The following ZNF442 variants were observed in gnomAD, a reference collection of about 807,000 sequenced individuals.
The protein encoded by ZNF442 is zinc finger protein 442.
Under a neutral mutation model 57.0 loss-of-function variants are expected in ZNF442, and 45 were observed. The observed-to-expected ratio is 0.79, with a 90% CI of 0.62 to 1.01. ZNF442 has a LOEUF of 1.01. ZNF442 is among the 50% of genes least tolerant of loss of function. The pLI is 0.00. For synonymous variants in ZNF442, 213 were observed against 241.8 expected (o/e 0.88, Z 1.10); for missense variants, 690 against 756.5 (o/e 0.91, Z 1.03).
At chr19:12,355,343 C>G (rs1568488214) in intron 3 of ZNF442, among the ~76,000 whole-genome samples, 1 of 146,428 alleles carries the variant, frequency 6.8e-6, no homozygotes, top group Non-Finnish European at 1.5e-5. Context: ...GTAACAAGGT[C>G]TTTTTCAGAT....
At position 12,351,902 on chromosome 19, in the gene ZNF442, A is replaced by ATAAGTTTG. The variant is rs368838323; in HGVS notation, c.266+100_266+107dup. ...TCTGGAGAAAATTGTATAGGAATAA[A>ATAAGTTTG]TAAGTTTGTACTGGGCTCGTTCATT... On this transcript the variant is annotated intron_variant, in intron 5 of 5. Transcript: ENST00000242804. 9.0e-4 allele frequency: 842 copies of ATAAGTTTG among 936,234 alleles called. 3 individuals carry two copies. The African/African-American group carries it at 0.013, about 14-fold the overall frequency. 58.0% of individuals were successfully genotyped at this position (936,234 alleles called of 1,614,324 possible).
intron 3 of ZNF442, among the ~76,000 whole-genome samples, chr19:12,357,596 A>G (rs1195353219): frequency 2.0e-5 from 3 of 150,210 alleles, no homozygotes; most frequent in Non-Finnish European, 4.4e-5. Flanking sequence ...CAGGTGATCT[A>G]CCCACCTTGG....
At chr19:12,352,866 A>C in intron 4 of ZNF442, 122 bp downstream of exon 4, 6 of 1,218,040 alleles carry the variant, frequency 4.9e-6, no homozygotes, top group Non-Finnish European at 5.7e-6. Flanking sequence ...AGCACCACTT[A>C]ACCCTGTGTT....
rs535733450 is a variant in ZNF442 at position 12,346,695 on chromosome 19, C to T, written c.*3006G>A. On this transcript the variant is annotated 3_prime_UTR_variant, in exon 6 of 6. Transcript: ENST00000242804. ...GTCAAATTATTACTGTGGAAACAAC[C>T]CATGTTTATCAACATAAAAATGGAT... 1 of 152,246 alleles carries T rather than the reference C, an allele frequency of 6.6e-6. No individual in the cohort carries two copies. The highest frequency in any genetic ancestry group is 1.9e-4 in the East Asian group (1 of 5,184). The allele number at this position is 152,246 out of a possible 1,614,324, so 9.4% of individuals were successfully genotyped here.
At chr19:12,363,913 G>A (rs941310107) in intron 2 of ZNF442, among the ~76,000 whole-genome samples, 6 of 152,156 alleles carry the variant, frequency 3.9e-5, no homozygotes, top group African/African-American at 1.4e-4. Context: ...AACAGAACCA[G>A]GAAAAGGCAG....
intron 4 of ZNF442, 148 bp downstream of exon 4, chr19:12,352,840 A>T: frequency 1.2e-6 from 1 of 868,470 alleles, no homozygotes; most frequent in East Asian, 2.9e-5. Context: ...GAATATGTAC[A>T]ACTGGTTGGG....
chr19:12,364,652 G>T (rs1969500627), intron 2 of ZNF442, 150 bp downstream of exon 2: 1 of 152,126 alleles, frequency 6.6e-6, no homozygotes, highest in Admixed American at 6.5e-5. Flanking sequence ...TTGAGACCCT[G>T]CTACCCCCAT....
chr19:12,366,646 T>C (rs1308720329), upstream of ZNF442, among the ~76,000 whole-genome samples: 1 of 152,158 alleles, frequency 6.6e-6, no homozygotes, highest in East Asian at 1.9e-4. Context: ...TTTTATTTTT[T>C]TGGAGACGGA....
chr19:12,361,838 G>T (rs1969433062), intron 3 of ZNF442, among the ~76,000 whole-genome samples: 1 of 152,108 alleles, frequency 6.6e-6, no homozygotes, highest in Admixed American at 6.5e-5. Flanking sequence ...TCCTGCTTCA[G>T]CCTGCGGAGA....
Position 12,365,530 on chromosome 19 carries a change from C to T in ZNF442, c.-483+3G>A, listed in dbSNP as rs1028963786. 1.8e-4 allele frequency: 102 copies of T among 573,536 alleles called. No homozygotes were observed. Among genetic ancestry groups the T allele is most frequent in the Non-Finnish European group, 2.9e-4 (94 of 322,832 alleles). The allele number at this position is 573,536 out of a possible 1,614,324, so 35.5% of individuals were successfully genotyped here. A position where few individuals can be genotyped will look rare whatever the true frequency, so the allele number is the denominator to read the frequency against. On this transcript the variant is annotated splice_donor_region_variant and intron_variant, in intron 1 of 5. Transcript: ENST00000242804. ...CCCAGGACGCCGGGCCCCGCACACT[C>T]ACCATTTCCCGGCTTCCGCGGTGTC...
intron 3 of ZNF442, among the ~76,000 whole-genome samples, chr19:12,361,703 G>A (rs1333141956): frequency 3.6e-5 from 3 of 82,694 alleles, no homozygotes; most frequent in Non-Finnish European, 6.6e-5. Context: ...TCCCCCTCTC[G>A]CTGTCCCCAC....
At chr19:12,352,707 T>A (rs979673581) in intron 4 of ZNF442, among the ~76,000 whole-genome samples, 3 of 152,228 alleles carry the variant, frequency 2.0e-5, no homozygotes, top group Non-Finnish European at 4.4e-5. Flanking sequence ...CTAGCTTACA[T>A]TTTTATGAGA....
chr19:12,353,443 A>G (rs920042628), intron 3 of ZNF442, among the ~76,000 whole-genome samples: 4 of 152,186 alleles, frequency 2.6e-5, no homozygotes, highest in African/African-American at 9.7e-5. Flanking sequence ...TACTTACTGT[A>G]CAAGAATAGG....
intron 5 of ZNF442, 85 bp from the exon 6 acceptor site, chr19:12,351,403 C>A: frequency 7.9e-7 from 1 of 1,259,226 alleles, no homozygotes; most frequent in Non-Finnish European, 1.1e-6. Flanking sequence ...TACATTTTTA[C>A]ATCATCATGC....
chr19:12,368,162 A>T (rs1301059826), upstream of ZNF442, among the ~76,000 whole-genome samples: 1 of 152,144 alleles, frequency 6.6e-6, no homozygotes, highest in African/African-American at 2.4e-5. Flanking sequence ...TTCAGGGTGC[A>T]CTGATTTCAT....
At position 12,346,289 on chromosome 19, in the gene ZNF442, T is replaced by G. The variant is rs1253628953; in HGVS notation, c.*3412A>C. On this transcript the variant is annotated 3_prime_UTR_variant, in exon 6 of 6. Transcript: ENST00000242804. ...CTCAATTTTAATGAGCAAAGGATTTTAAAACAAACTGGTTCAAAAAATATA... is the reference window on the plus strand; with the variant it reads ...CTCAATTTTAATGAGCAAAGGATTTGAAAACAAACTGGTTCAAAAAATATA... 6.6e-6 allele frequency: 1 copy of G among 152,124 alleles called. No individual in the cohort carries two copies. The highest frequency in any genetic ancestry group is 1.5e-5 in the Non-Finnish European group (1 of 68,010). 9.4% of individuals were successfully genotyped at this position (152,124 alleles called of 1,614,324 possible).
chr19:12,362,274 G>C (rs2144840944), intron 3 of ZNF442, among the ~76,000 whole-genome samples: 1 of 152,058 alleles, frequency 6.6e-6, no homozygotes, highest in Admixed American at 6.5e-5. Context: ...TAGGAAGTGA[G>C]GAGCATCTCT....
intron 1 of ZNF442, 51 bp downstream of exon 1, chr19:12,365,481 GT>G: frequency 4.2e-6 from 2 of 476,248 alleles, no homozygotes; most frequent in Admixed American, 3.5e-5. Context: ...GTTCTGGCCG[GT>G]TCCAACCAGT....
At position 12,346,450 on chromosome 19, in the gene ZNF442, T is replaced by G. The variant is rs1326321980; in HGVS notation, c.*3251A>C. 1 of 152,154 alleles carries G rather than the reference T, an allele frequency of 6.6e-6. No individual in the cohort carries two copies. Among genetic ancestry groups the G allele is most frequent in the Non-Finnish European group, 1.5e-5 (1 of 68,032 alleles). 9.4% of individuals were successfully genotyped at this position (152,154 alleles called of 1,614,324 possible). A position where few individuals can be genotyped will look rare whatever the true frequency, so the allele number is the denominator to read the frequency against. Reference sequence around the variant, plus strand: ...AAAAAAATACGACAACCAGTATATGTGACAATGTGGAAAATAGAAACCCTT... The same window carrying G: ...AAAAAAATACGACAACCAGTATATGGGACAATGTGGAAAATAGAAACCCTT... On this transcript the variant is annotated 3_prime_UTR_variant, in exon 6 of 6. Coordinates refer to ENST00000242804, the MANE Select transcript of ZNF442 (RefSeq NM_030824.3).
Sources: gnomAD v4.1 joint callset for allele counts (sites outside exome capture counted in the v4.1 genomes callset) on GRCh38, gnomAD v4.1.1 for gene constraint, MANE v1.5 for transcripts, NCBI Gene and HGNC (gene_info 2026-07-23, HGNC 2026-07-21) for gene names.